The following PLXNA4 variants were observed in gnomAD, a reference collection of about 807,000 sequenced individuals.
PLXNA4 encodes plexin-A4.
In PLXNA4, 44 loss-of-function variants were observed where a neutral mutation model predicts 191.8. The observed-to-expected ratio is 0.23, with a 90% CI of 0.18 to 0.29. PLXNA4 has a LOEUF of 0.29. Among genes scored for constraint, PLXNA4 ranks in the 10% least tolerant of loss-of-function variants. PLXNA4 has a pLI of 1.00. For missense variants in PLXNA4, 1,800 were observed against 2,488.8 expected, an observed-to-expected ratio of 0.72 and a Z score of 5.89; for synonymous variants, 1,082 against 1,009.5, an observed-to-expected ratio of 1.07 and a Z score of -1.36.
intron 3 of PLXNA4, chr7:132,484,780 T>G (rs769717403): frequency 1.9e-6 from 3 of 1,612,028 alleles, no homozygotes; most frequent in Non-Finnish European, 2.5e-6. Context: ...GAATATTTAT[T>G]TTTAGTTAAA....
intron 2 of PLXNA4, among the ~76,000 whole-genome samples, chr7:132,589,164 AC>A (rs1802560771): frequency 6.6e-6 from 1 of 152,154 alleles, no homozygotes; most frequent in Non-Finnish European, 1.5e-5. Context: ...CATAGTCACT[AC>A]CCTTAGGGGG....
chr7:132,379,927 C>G (rs1302908562), intron 3 of PLXNA4, among the ~76,000 whole-genome samples: 1 of 152,192 alleles, frequency 6.6e-6, no homozygotes, highest in Non-Finnish European at 1.5e-5. Flanking sequence ...CTTTACTAGT[C>G]AAAGGTATGT....
In PLXNA4 at chr7:132,159,357, A is replaced by G. The variant is rs573556054; in HGVS notation, c.4660+116T>C. 1.3e-5 allele frequency: 20 copies of G among 1,500,506 alleles called. No individual in the cohort carries two copies. In the East Asian group the frequency reaches 4.3e-4, roughly 32 times the overall value. 92.9% of individuals were successfully genotyped at this position (1,500,506 alleles called of 1,614,324 possible). On this transcript the variant is annotated intron_variant, in intron 25 of 31. Transcript: ENST00000321063. ...GGTCCAGCCATGCCTGACTCCCTCC[A>G]GCCAGTGATTATTCCCCTCAGATCT...
chr7:132,418,868 G>A lies in PLXNA4; in HGVS notation c.1371+70424C>T, dbSNP rs1212336052. On this transcript the variant is annotated intron_variant, in intron 3 of 31. Coordinates refer to ENST00000321063, the MANE Select transcript of PLXNA4 (RefSeq NM_020911.2). ...TTCCCCTTCACTTCCTCCAGGCCTG[G>A]ATTCACTTTCTTTTTTAATGGCTGG... Among the ~76,000 whole-genome samples, 8 of 152,136 alleles carry A rather than the reference G, an allele frequency of 5.3e-5. 1 individual carries two copies. The highest frequency in any genetic ancestry group is 5.2e-4 in the Admixed American group (8 of 15,278).
intron 1 of PLXNA4, among the ~76,000 whole-genome samples, chr7:132,547,634 C>T (rs1439091424): frequency 1.3e-5 from 2 of 151,984 alleles, no homozygotes; most frequent in African/African-American, 4.8e-5. Flanking sequence ...CAACTCTGGC[C>T]TACTGTACAG....
intron 15 of PLXNA4, among the ~76,000 whole-genome samples, chr7:132,185,758 A>T (rs981997541): frequency 6.6e-6 from 1 of 152,214 alleles, no homozygotes; most frequent in Non-Finnish European, 1.5e-5. Context: ...ACCCTCCCAT[A>T]CTTGACATCT....
chr7:132,528,911 C>T (rs1018211019), intron 1 of PLXNA4, among the ~76,000 whole-genome samples: 13 of 152,220 alleles, frequency 8.5e-5, no homozygotes, highest in African/African-American at 3.1e-4. Flanking sequence ...CTCACTGACT[C>T]ACCCAGTAAT....
At chr7:132,306,120 CCT>C (rs1166711024) in intron 3 of PLXNA4, among the ~76,000 whole-genome samples, 2 of 152,120 alleles carry the variant, frequency 1.3e-5, no homozygotes, top group African/African-American at 2.4e-5. Flanking sequence ...GGAGGTCAGG[CCT>C]TGCTCACAGG....
At chr7:132,362,816 T>A (rs1166900818) in intron 3 of PLXNA4, among the ~76,000 whole-genome samples, 2 of 152,172 alleles carry the variant, frequency 1.3e-5, no homozygotes, top group African/African-American at 4.8e-5. Flanking sequence ...AATGTACATA[T>A]ATGAATTTTG....
intron 1 of PLXNA4, among the ~76,000 whole-genome samples, chr7:132,538,008 G>T (rs947808016): frequency 2.0e-5 from 3 of 152,170 alleles, no homozygotes; most frequent in Non-Finnish European, 4.4e-5. Context: ...GATCCTGCCC[G>T]ACCCCAAACC....
At chr7:132,552,794 T>C (rs1800618058) in intron 1 of PLXNA4, among the ~76,000 whole-genome samples, 1 of 152,114 alleles carries the variant, frequency 6.6e-6, no homozygotes, top group Non-Finnish European at 1.5e-5. Flanking sequence ...TGCCTTTCTG[T>C]ATAAAATCAA....
At chr7:132,549,907 A>G (rs1287030946) in intron 1 of PLXNA4, among the ~76,000 whole-genome samples, 1 of 152,140 alleles carries the variant, frequency 6.6e-6, no homozygotes, top group African/African-American at 2.4e-5. Flanking sequence ...AACATTAGGT[A>G]GAGAGAGGTA....
rs916437022 is a variant in PLXNA4, at chr7:132,384,940, C to T, written c.1372-86718G>A. 3.1e-5 allele frequency: 40 copies of T among 1,310,020 alleles called. No homozygotes were observed. The African/African-American group carries it at 5.4e-4, about 18-fold the overall frequency. 81.1% of individuals were successfully genotyped at this position (1,310,020 alleles called of 1,614,324 possible). A position where few individuals can be genotyped will look rare whatever the true frequency, so the allele number is the denominator to read the frequency against. ...GATAACACCACAAGAGTCAAACATG[C>T]CTACACTCCATTGTCCAAAATTACC... On this transcript the variant is annotated intron_variant, in intron 3 of 31. Transcript: ENST00000321063.
intron 2 of PLXNA4, among the ~76,000 whole-genome samples, chr7:132,494,284 AGGAGACTGAGCG>A (rs1797915405): frequency 2.0e-5 from 3 of 152,254 alleles, no homozygotes; most frequent in Non-Finnish European, 4.4e-5. Context: ...TCTCAGATCC[AGGAGACTGAGCG>A]CTATTCATTA....
chr7:132,225,141 T>C (rs762666292), intron 8 of PLXNA4, among the ~76,000 whole-genome samples: 10 of 152,118 alleles, frequency 6.6e-5, no homozygotes, highest in Admixed American at 1.3e-4. Flanking sequence ...AAGATTTCTA[T>C]GGTGAGAAGA....
chr7:132,383,594 A>T, intron 3 of PLXNA4: 1 of 984,488 alleles, frequency 1.0e-6, no homozygotes, highest in Non-Finnish European at 1.2e-6. Context: ...ATCAGTTACA[A>T]GATTGGCCTT....
At chr7:132,310,020 A>G (rs1463206195) in intron 3 of PLXNA4, among the ~76,000 whole-genome samples, 1 of 152,180 alleles carries the variant, frequency 6.6e-6, no homozygotes, top group African/African-American at 2.4e-5. Context: ...TGTGACAGCC[A>G]TGAGTGTGTC....
chr7:132,569,523 A>G (rs1197530304), intron 1 of PLXNA4, among the ~76,000 whole-genome samples: 2 of 152,274 alleles, frequency 1.3e-5, no homozygotes, highest in Non-Finnish European at 2.9e-5. Flanking sequence ...TCACTGGAGC[A>G]AAGATTTTCA....
At chr7:132,469,133 A>G (rs1796827519) in intron 3 of PLXNA4, among the ~76,000 whole-genome samples, 1 of 150,444 alleles carries the variant, frequency 6.6e-6, no homozygotes, top group South Asian at 2.1e-4. Context: ...AAAAAAAAAA[A>G]AAAAAAGAAA....
Sources: gnomAD v4.1 joint callset for allele counts (sites outside exome capture counted in the v4.1 genomes callset) on GRCh38, gnomAD v4.1.1 for gene constraint, MANE v1.5 for transcripts, NCBI Gene and HGNC (gene_info 2026-07-23, HGNC 2026-07-21) for gene names.